Variants in MAPK1IP1L observed in about 807,000 individuals in gnomAD.
MAPK1IP1L encodes MAPK-interacting and spindle-stabilizing protein-like.
In MAPK1IP1L, 10 loss-of-function variants were observed where a neutral mutation model predicts 18.1. That is an observed-to-expected ratio of 0.55 (90% CI 0.34 to 0.94). The LOEUF (loss-of-function observed/expected upper bound fraction) is 0.94. Among genes scored for constraint, MAPK1IP1L ranks in the 40% least tolerant of loss-of-function variants. The pLI, the probability that MAPK1IP1L is intolerant of heterozygous loss-of-function variation, is 0.02. For synonymous variants in MAPK1IP1L, 115 were observed against 117.3 expected, an observed-to-expected ratio of 0.98 and a Z score of 0.13; for missense variants, 260 against 318.2, an observed-to-expected ratio of 0.82 and a Z score of 1.39.
chr14:55,061,810 G>T, intron 2 of MAPK1IP1L, 109 bp downstream of exon 2: 1 of 879,638 alleles, frequency 1.1e-6, no homozygotes, highest in Non-Finnish European at 1.7e-6. Context: ...CTTTAACCAG[G>T]CATGGTGGTG....
In MAPK1IP1L at chr14:55,058,281, TCAA is replaced by T. The variant is rs1278961933; in HGVS notation, c.-4-3396_-4-3394del. On this transcript the variant is annotated intron_variant, in intron 1 of 3. Coordinates refer to ENST00000395468, the MANE Select transcript of MAPK1IP1L (RefSeq NM_144578.4). The stretch of plus-strand genomic sequence containing the variant: ...TGAGACTTTTTGTTTTTTCTTCTCA[TCAA>T]CATTATAACAAAACAAAGTTGAATG... Among the ~76,000 whole-genome samples the T allele has an allele frequency of 9.2e-5, 14 of 152,358 alleles. 1 individual carries two copies. In the East Asian group the frequency reaches 2.5e-3, roughly 27 times the overall value.
In MAPK1IP1L at chr14:55,062,737, A is replaced by G. The variant is rs1406838427; in HGVS notation, c.138A>G (p.Pro46=). Residue 46 remains proline, a synonymous_variant, in exon 3 of 4, where the codon CCA becomes CCG. Transcript: ENST00000395468. ...ACCCTTGGAATAATCCGAGTGCTCCATCTTCAGTGCCATCTGGACTCCCAC... is the reference window on the plus strand; with the variant it reads ...ACCCTTGGAATAATCCGAGTGCTCCGTCTTCAGTGCCATCTGGACTCCCAC... ...GSNPWNNPSA[P]SSVPSGLPPS... 3.1e-6 allele frequency: 5 copies of G among 1,614,148 alleles called. No individual in the cohort carries two copies. The highest frequency in any genetic ancestry group is 4.2e-6 in the Non-Finnish European group (5 of 1,180,000).
Position 55,066,327 on chromosome 14 carries a change from T to G in MAPK1IP1L, c.*1700T>G, listed in dbSNP as rs1232850726. On this transcript the variant is annotated 3_prime_UTR_variant, in exon 4 of 4. Coordinates refer to ENST00000395468, the MANE Select transcript of MAPK1IP1L (RefSeq NM_144578.4). ...TCCCTTATGTTAACTAGATGATAGA[T>G]TCAAGCTTTTAGAAATGAGAAAGTA... The G allele has an allele frequency of 1.3e-5, 2 of 152,226 alleles. No homozygotes were observed. The highest frequency in any genetic ancestry group is 2.9e-5 in the Non-Finnish European group (2 of 68,036). 9.4% of individuals were successfully genotyped at this position (152,226 alleles called of 1,614,324 possible).
At chr14:55,057,460 TATTAAAC>T (rs1480170667) in intron 1 of MAPK1IP1L, among the ~76,000 whole-genome samples, 4 of 152,108 alleles carry the variant, frequency 2.6e-5, no homozygotes, top group African/African-American at 9.7e-5. Context: ...ACACTTCTAG[TATTAAAC>T]ATTTAAATGA....
rs2042888230 is a variant in MAPK1IP1L, at chr14:55,069,259, CA to C, written c.*4635del. On this transcript the variant is annotated 3_prime_UTR_variant, in exon 4 of 4. Coordinates refer to ENST00000395468, the MANE Select transcript of MAPK1IP1L (RefSeq NM_144578.4). ...TGTGATTTTTCACTGACAGTAATGA[CA>C]AATTTAATGTATGTAATTGTCTATG... The C allele has an allele frequency of 6.6e-6, 1 of 152,506 alleles. No homozygotes were observed. The highest frequency in any genetic ancestry group is 2.4e-5 in the African/African-American group (1 of 41,398). The allele number at this position is 152,506 out of a possible 1,614,324, so 9.4% of individuals were successfully genotyped here.
rs1331969311 is a variant in MAPK1IP1L at position 55,068,439 on chromosome 14, A to G, written c.*3812A>G. The G allele has an allele frequency of 2.0e-5, 3 of 152,642 alleles. No individual in the cohort carries two copies. Among genetic ancestry groups the G allele is most frequent in the African/African-American group, 7.2e-5 (3 of 41,450 alleles). 9.5% of individuals were successfully genotyped at this position (152,642 alleles called of 1,614,324 possible). ...CTGTGCCTGGGTTGAATATCAGTCAATTGCCTACACTTCTAAACAATAAGT... is the reference window on the plus strand; with the variant it reads ...CTGTGCCTGGGTTGAATATCAGTCAGTTGCCTACACTTCTAAACAATAAGT... On this transcript the variant is annotated 3_prime_UTR_variant, in exon 4 of 4. Transcript: ENST00000395468.
At chr14:55,056,315 C>T (rs1266070343) in intron 1 of MAPK1IP1L, among the ~76,000 whole-genome samples, 1 of 152,198 alleles carries the variant, frequency 6.6e-6, no homozygotes, top group Non-Finnish European at 1.5e-5. Context: ...ATTTGGTTCA[C>T]TTTGATTCTC....
At chr14:55,061,567 C>A in intron 1 of MAPK1IP1L, 113 bp from the exon 2 acceptor site, 1 of 705,964 alleles carries the variant, frequency 1.4e-6, no homozygotes, top group Non-Finnish European at 2.3e-6. Context: ...AAATAAGATT[C>A]CGCTTAAGTA....
At chr14:55,059,593 T>G (rs1944763485) in intron 1 of MAPK1IP1L, among the ~76,000 whole-genome samples, 1 of 152,152 alleles carries the variant, frequency 6.6e-6, no homozygotes, top group Non-Finnish European at 1.5e-5. Flanking sequence ...AAGAATAAAG[T>G]CCACAATATC....
In MAPK1IP1L at chr14:55,061,702, G is replaced by A; in HGVS notation, c.18+1G>A. 6.4e-7 allele frequency: 1 copy of A among 1,566,688 alleles called. No homozygotes were observed. The highest frequency in any genetic ancestry group is 8.7e-7 in the Non-Finnish European group (1 of 1,150,860). ...TAGGAAAATGTCTGATGAATTTTCG[G>A]TAAGTTGATCAGTTTATCTGTGATA... On this transcript the variant is annotated splice_donor_variant, in intron 2 of 3. Coordinates refer to ENST00000395468, the MANE Select transcript of MAPK1IP1L (RefSeq NM_144578.4). LOFTEE classifies it high-confidence loss of function.
At chr14:55,064,033 T>TTTTTTTTTTTTTG (rs1348655243) in intron 3 of MAPK1IP1L, 7 of 111,292 alleles carry the variant, frequency 6.3e-5, no homozygotes, top group African/African-American at 2.9e-4. Context: ...TTTTTTTTTT[T>TTTTTTTTTTTTTG]GAGACAGTCT....
chr14:55,061,057 A>G (rs1359112500), intron 1 of MAPK1IP1L, among the ~76,000 whole-genome samples: 1 of 152,090 alleles, frequency 6.6e-6, no homozygotes, highest in Non-Finnish European at 1.5e-5. Context: ...GACTGAGGCA[A>G]GAAGATGACT....
chr14:55,061,755 A>G lies in MAPK1IP1L; in HGVS notation c.18+54A>G, dbSNP rs377662437. On this transcript the variant is annotated intron_variant, in intron 2 of 3. Transcript: ENST00000395468. Reference sequence around the variant, plus strand: ...TTTTTCATCTCTTAAGAAAAACAACATGGTCCTAACTGGGCTACGTAAATC... The same window carrying G: ...TTTTTCATCTCTTAAGAAAAACAACGTGGTCCTAACTGGGCTACGTAAATC... 586 of 1,414,192 alleles carry G rather than the reference A, an allele frequency of 4.1e-4. 9 individuals carry two copies. In the South Asian group the frequency reaches 6.9e-3, roughly 17 times the overall value. The allele number at this position is 1,414,192 out of a possible 1,614,324, so 87.6% of individuals were successfully genotyped here.
At position 55,051,685 on chromosome 14, in the gene MAPK1IP1L, G is replaced by A. The variant is rs1029709503; in HGVS notation, c.-123G>A. The A allele has an allele frequency of 5.8e-6, 3 of 516,194 alleles. No individual in the cohort carries two copies. Among genetic ancestry groups the A allele is most frequent in the South Asian group, 2.8e-5 (2 of 71,444 alleles). 32.0% of individuals were successfully genotyped at this position (516,194 alleles called of 1,614,324 possible). A position where few individuals can be genotyped will look rare whatever the true frequency, so the allele number is the denominator to read the frequency against. Reference sequence around the variant, plus strand: ...GCGCCAGGAGGAGCCGCGCGCTGCTGGTGCTGTTGCCGCCGCTGCTCTAGC... The same window carrying A: ...GCGCCAGGAGGAGCCGCGCGCTGCTAGTGCTGTTGCCGCCGCTGCTCTAGC... On this transcript the variant is annotated 5_prime_UTR_variant, in exon 1 of 4. Transcript: ENST00000395468.
chr14:55,054,229 C>T (rs377022200), intron 1 of MAPK1IP1L, among the ~76,000 whole-genome samples: 14 of 148,854 alleles, frequency 9.4e-5, no homozygotes, highest in South Asian at 2.1e-4. Context: ...GCTCCGCCTC[C>T]CAGGTTCCAG....
At chr14:55,056,520 T>A (rs1042959146) in intron 1 of MAPK1IP1L, among the ~76,000 whole-genome samples, 4 of 152,184 alleles carry the variant, frequency 2.6e-5, no homozygotes, top group Non-Finnish European at 4.4e-5. Flanking sequence ...TTTTTGTTTT[T>A]TTGTTTTTGA....
At chr14:55,056,989 G>A (rs544403767) in intron 1 of MAPK1IP1L, among the ~76,000 whole-genome samples, 1 of 152,294 alleles carries the variant, frequency 6.6e-6, no homozygotes, top group South Asian at 2.1e-4. Context: ...AAAAGCATGA[G>A]ATCAATTCAT....
intron 1 of MAPK1IP1L, among the ~76,000 whole-genome samples, chr14:55,054,631 C>G (rs1242916678): frequency 6.6e-6 from 1 of 152,144 alleles, no homozygotes; most frequent in Non-Finnish European, 1.5e-5. Flanking sequence ...AAAATGGTCT[C>G]TTATTGAGAA....
chr14:55,058,514 CTG>C (rs1168621354), intron 1 of MAPK1IP1L, among the ~76,000 whole-genome samples: 1 of 152,144 alleles, frequency 6.6e-6, no homozygotes, highest in Non-Finnish European at 1.5e-5. Flanking sequence ...AAACAGTCCT[CTG>C]TGTCTGCATT....
Sources: gnomAD v4.1 joint callset for allele counts (sites outside exome capture counted in the v4.1 genomes callset) on GRCh38, gnomAD v4.1.1 for gene constraint, MANE v1.5 for transcripts, NCBI Gene and HGNC (gene_info 2026-07-23, HGNC 2026-07-21) for gene names.